Variants in GABBR2 observed in about 807,000 individuals in gnomAD.
GABBR2 encodes the protein gamma-aminobutyric acid type B receptor subunit 2.
A neutral mutation model predicts 105.6 loss-of-function variants in GABBR2; 23 were observed. The ratio of observed to expected loss-of-function variants is 0.22; its 90% confidence interval spans 0.16 to 0.31. The LOEUF is 0.31. Ranked by LOEUF, GABBR2 falls within the 10% of genes least tolerant of loss-of-function variation. The pLI is 1.00. For synonymous variants in GABBR2, 478 were observed against 499.7 expected (o/e 0.96, Z 0.58); for missense variants, 734 against 1,245.5 (o/e 0.59, Z 6.18).
chr9:98,540,742 C>T (rs1357355460), intron 3 of GABBR2, among the ~76,000 whole-genome samples: 3 of 152,132 alleles, frequency 2.0e-5, no homozygotes, highest in Non-Finnish European at 4.4e-5. Flanking sequence ...CTTGGTTTGT[C>T]TTGTGTTTTT....
In GABBR2 at chr9:98,290,290, T is replaced by G. The variant is rs1588082736; in HGVS notation, c.*294A>C. The G allele has an allele frequency of 5.0e-6, 1 of 198,356 alleles. No individual in the cohort carries two copies. The highest frequency in any genetic ancestry group is 6.1e-5 in the Admixed American group (1 of 16,458). 12.3% of individuals were successfully genotyped at this position (198,356 alleles called of 1,614,324 possible). Reference sequence around the variant, plus strand: ...TTTTGTTTTTTTTTTTTTTTTTTTTTTTTTGCAAGTTTGATATCCCAGCGC... The same window carrying G: ...TTTTGTTTTTTTTTTTTTTTTTTTTGTTTTGCAAGTTTGATATCCCAGCGC... On this transcript the variant is annotated 3_prime_UTR_variant, in exon 19 of 19. Coordinates refer to ENST00000259455, the MANE Select transcript of GABBR2 (RefSeq NM_005458.8).
intron 5 of GABBR2, among the ~76,000 whole-genome samples, chr9:98,478,226 C>T (rs897759686): frequency 1.3e-5 from 2 of 152,196 alleles, no homozygotes; most frequent in African/African-American, 4.8e-5. Context: ...ATGGCAGAGA[C>T]ATGGTTGTTT....
At chr9:98,543,307 T>G (rs1828339147) in intron 2 of GABBR2, among the ~76,000 whole-genome samples, 1 of 151,814 alleles carries the variant, frequency 6.6e-6, no homozygotes, top group South Asian at 2.1e-4. Flanking sequence ...ATTTGCATTT[T>G]TCTTAGAGTG....
intron 1 of GABBR2, among the ~76,000 whole-genome samples, chr9:98,699,601 G>T (rs1179708875): frequency 1.3e-5 from 2 of 152,154 alleles, no homozygotes; most frequent in African/African-American, 4.8e-5. Flanking sequence ...TGCCTAGGGG[G>T]ACCACAGAGG....
chr9:98,507,188 T>C (rs1366130414), intron 3 of GABBR2, among the ~76,000 whole-genome samples: 1 of 152,152 alleles, frequency 6.6e-6, no homozygotes, highest in Non-Finnish European at 1.5e-5. Flanking sequence ...ACAATGTCCA[T>C]GTCCAAATCC....
chr9:98,403,576 C>A (rs1380517786), intron 8 of GABBR2, among the ~76,000 whole-genome samples: 8 of 152,110 alleles, frequency 5.3e-5, no homozygotes. Context: ...TAAGGCCCTG[C>A]CTTGTATCAC....
intron 7 of GABBR2, among the ~76,000 whole-genome samples, chr9:98,421,177 C>A (rs1052468884): frequency 6.6e-6 from 1 of 152,178 alleles, no homozygotes; most frequent in Non-Finnish European, 1.5e-5. Flanking sequence ...ATTGATCATA[C>A]ACCATGTGAA....
chr9:98,359,196 G>A (rs557850544), intron 13 of GABBR2, among the ~76,000 whole-genome samples: 1 of 152,204 alleles, frequency 6.6e-6, no homozygotes, highest in Non-Finnish European at 1.5e-5. Flanking sequence ...GGGAGGCTGA[G>A]GCAGGTGGAT....
At chr9:98,480,863 G>A in intron 5 of GABBR2, 69 bp downstream of exon 5, 2 of 873,484 alleles carry the variant, frequency 2.3e-6, no homozygotes, top group Middle Eastern at 2.2e-4. Context: ...TGAGCAGGGA[G>A]ATAATGAGTA....
intron 7 of GABBR2, among the ~76,000 whole-genome samples, chr9:98,412,067 T>G (rs961149337): frequency 3.9e-5 from 6 of 152,264 alleles, no homozygotes; most frequent in Non-Finnish European, 7.3e-5. Context: ...TTTATGAGTC[T>G]TATAGGTTAA....
At chr9:98,309,506 GC>G (rs899977048) in intron 14 of GABBR2, among the ~76,000 whole-genome samples, 1 of 152,210 alleles carries the variant, frequency 6.6e-6, no homozygotes, top group African/African-American at 2.4e-5. Flanking sequence ...GGGCTCCATG[GC>G]ATCTATGGAC....
chr9:98,359,110 T>G (rs1831537604), intron 13 of GABBR2, among the ~76,000 whole-genome samples: 1 of 152,158 alleles, frequency 6.6e-6, no homozygotes, highest in Non-Finnish European at 1.5e-5. Context: ...ACCTGGCACA[T>G]GACGAGTGCT....
chr9:98,454,121 C>A lies in GABBR2; in HGVS notation c.1096G>T (p.Ala366Ser). ...GYAYDGIWVI[A>S]KTLQRAMETL... is the part of the protein sequence containing the mutation. ...TCCATGGCCCTCTGCAGTGTCTTGG[C>A]GATGACCCAGATGCCATCGTAGGCG... The change falls in exon 7 of 19, where the codon GCC becomes TCC. Residue 366 changes from alanine (A) to serine (S), a missense_variant. Transcript: ENST00000259455. This position sits in a 1 kb window ranked among gnomAD's most constrained non-coding sequence, Gnocchi z 4.6. 6.2e-7 allele frequency: 1 copy of A among 1,614,078 alleles called. No homozygotes were observed. The highest frequency in any genetic ancestry group is 8.5e-7 in the Non-Finnish European group (1 of 1,179,944).
intron 13 of GABBR2, among the ~76,000 whole-genome samples, chr9:98,318,861 G>T (rs1335007887): frequency 1.3e-5 from 2 of 151,922 alleles, no homozygotes; most frequent in African/African-American, 4.8e-5. Context: ...TCTGCTGGGG[G>T]TGAGTGTAGG....
At chr9:98,505,887 T>C (rs541463292) in intron 3 of GABBR2, among the ~76,000 whole-genome samples, 2 of 152,248 alleles carry the variant, frequency 1.3e-5, no homozygotes, top group Admixed American at 1.3e-4. Flanking sequence ...ACATTTCTGT[T>C]GTTTTAAGCC....
chr9:98,550,858 A>C (rs567807449), intron 2 of GABBR2, among the ~76,000 whole-genome samples: 1 of 152,162 alleles, frequency 6.6e-6, no homozygotes, highest in South Asian at 2.1e-4. Context: ...TAGATACTGG[A>C]TTTGTGGAGA....
At chr9:98,576,526 T>C (rs890457015) in intron 2 of GABBR2, among the ~76,000 whole-genome samples, 2 of 152,200 alleles carry the variant, frequency 1.3e-5, no homozygotes, top group Non-Finnish European at 2.9e-5. Flanking sequence ...TACAGTCTTA[T>C]CTTAAGGGCC....
intron 1 of GABBR2, among the ~76,000 whole-genome samples, chr9:98,707,011 CGCCTGCAGCA>C (rs1451850652): frequency 6.6e-6 from 1 of 152,200 alleles, no homozygotes; most frequent in Non-Finnish European, 1.5e-5. Flanking sequence ...GACGCCTCTC[CGCCTGCAGCA>C]GCCTGCGCGT....
chr9:98,441,687 GC>G (rs1271282147), intron 7 of GABBR2, among the ~76,000 whole-genome samples: 1 of 152,182 alleles, frequency 6.6e-6, no homozygotes, highest in East Asian at 1.9e-4. Flanking sequence ...TAATGGGTAT[GC>G]AGTTTCAGTT....
Sources: gnomAD v4.1 joint callset for allele counts (sites outside exome capture counted in the v4.1 genomes callset) on GRCh38, gnomAD v4.1.1 for gene constraint, Gnocchi (gnomAD v3.1) non-coding constraint, MANE v1.5 for transcripts, NCBI Gene and HGNC (gene_info 2026-07-23, HGNC 2026-07-21) for gene names.